The following TTC21B variants were observed in gnomAD, a reference collection of about 807,000 sequenced individuals.
TTC21B encodes the protein tetratricopeptide repeat protein 21B.
TTC21B carries 127 observed loss-of-function variants against 175.1 expected under a neutral mutation model. The ratio of observed to expected loss-of-function variants is 0.73; its 90% confidence interval spans 0.63 to 0.84. The LOEUF is 0.84. Ranked by LOEUF, TTC21B falls within the 40% of genes least tolerant of loss-of-function variation. The pLI, the probability that TTC21B is intolerant of heterozygous loss-of-function variation, is 0.00. For missense variants in TTC21B, 1,561 were observed against 1,558.3 expected (o/e 1.00, Z -0.03); for synonymous variants, 524 against 524.5 (o/e 1.00, Z 0.01).
intron 19 of TTC21B, among the ~76,000 whole-genome samples, chr2:165,906,447 G>A (rs568067823): frequency 2.3e-4 from 35 of 151,910 alleles, no homozygotes; most frequent in African/African-American, 8.2e-4. Context: ...GTTTGTAAAA[G>A]GGACCTTTTT....
At chr2:165,888,753 C>T (rs1005449016) in intron 24 of TTC21B, among the ~76,000 whole-genome samples, 20 of 152,146 alleles carry the variant, frequency 1.3e-4, no homozygotes, top group Admixed American at 1.1e-3. Flanking sequence ...ATAATATCTA[C>T]ATGTTGTAAA....
intron 15 of TTC21B, 53 bp from the exon 16 acceptor site, chr2:165,913,699 AAAAAT>A: frequency 1.1e-5 from 16 of 1,429,440 alleles, no homozygotes; most frequent in Non-Finnish European, 1.5e-5. Flanking sequence ...ATCTTCTTCC[AAAAAT>A]AAAATAAAAT....
At chr2:165,883,187 A>C (rs543004382) in intron 26 of TTC21B, among the ~76,000 whole-genome samples, 100 of 147,028 alleles carry the variant, frequency 6.8e-4, no homozygotes, top group African/African-American at 2.3e-3. Flanking sequence ...TTTCTCAACA[A>C]AAAAATAAAT....
At chr2:165,880,843 C>T in intron 26 of TTC21B, 44 bp from the exon 27 acceptor site, 1 of 1,596,856 alleles carries the variant, frequency 6.3e-7, no homozygotes, top group Admixed American at 1.7e-5. Flanking sequence ...CTTGATATCA[C>T]TAAGATTTTA....
In TTC21B at chr2:165,949,506, T is replaced by C. The variant is rs760214276; in HGVS notation, c.152-2A>G. On this transcript the variant is annotated splice_acceptor_variant, in intron 2 of 28. Transcript: ENST00000243344. LOFTEE classifies it high-confidence loss of function. ...CTCGAAGAGCTTCTTGAGTTTTACC[T>C]GAAAATCAAGATTATGATATGAAAA... 1 of 1,613,646 alleles carries C rather than the reference T, an allele frequency of 6.2e-7. No individual in the cohort carries two copies. The highest frequency in any genetic ancestry group is 8.5e-7 in the Non-Finnish European group (1 of 1,179,700).
chr2:165,913,520 A>T, intron 16 of TTC21B, 54 bp downstream of exon 16: 6 of 1,088,536 alleles, frequency 5.5e-6, no homozygotes, highest in African/African-American at 1.6e-5. Flanking sequence ...AGGAAGTTGT[A>T]CTCATCACAA....
chr2:165,935,316 T>C (rs998682853), intron 6 of TTC21B, among the ~76,000 whole-genome samples: 3 of 152,174 alleles, frequency 2.0e-5, no homozygotes, highest in African/African-American at 7.2e-5. Context: ...AATCTCTCCT[T>C]TGGGAAACTT....
chr2:165,921,146 G>A (rs1686390812), intron 12 of TTC21B, among the ~76,000 whole-genome samples: 1 of 152,088 alleles, frequency 6.6e-6, no homozygotes, highest in South Asian at 2.1e-4. Flanking sequence ...TTGGAATGGG[G>A]GCTAGCTGTG....
intron 13 of TTC21B, among the ~76,000 whole-genome samples, 173 bp from the exon 14 acceptor site, chr2:165,917,654 G>A (rs576233301): frequency 4.6e-5 from 7 of 152,126 alleles, no homozygotes; most frequent in South Asian, 4.1e-4. Context: ...ACATTAAATC[G>A]GATTCAGGAA....
intron 6 of TTC21B, among the ~76,000 whole-genome samples, chr2:165,939,073 T>A (rs190645345): frequency 5.6e-4 from 86 of 152,322 alleles, no homozygotes; most frequent in Non-Finnish European, 1.9e-4. Flanking sequence ...TTGAATTTGC[T>A]TCAAAACGAA....
At chr2:165,914,010 C>T (rs1349482877) in intron 15 of TTC21B, among the ~76,000 whole-genome samples, 3 of 152,062 alleles carry the variant, frequency 2.0e-5, no homozygotes, top group South Asian at 2.1e-4. Context: ...TTTTACTGTC[C>T]TCCTATGCAT....
At chr2:165,889,802 A>G (rs960942713) in intron 24 of TTC21B, among the ~76,000 whole-genome samples, 1 of 152,166 alleles carries the variant, frequency 6.6e-6, no homozygotes, top group Non-Finnish European at 1.5e-5. Context: ...ATTTAGTTGC[A>G]GATTGAAAGG....
At chr2:165,913,897 G>A (rs956491518) in intron 15 of TTC21B, among the ~76,000 whole-genome samples, 1 of 151,948 alleles carries the variant, frequency 6.6e-6, no homozygotes, top group Admixed American at 6.6e-5. Context: ...CAGATAGATA[G>A]TAAATATCTA....
chr2:165,930,732 G>GTGTGTGTGTGTGTGT lies in TTC21B; in HGVS notation c.895-369_895-368insACACACACACACACA. Among the ~76,000 whole-genome samples, 114 of 110,826 alleles carry GTGTGTGTGTGTGTGT rather than the reference G, an allele frequency of 1.0e-3. 13 individuals are homozygous for GTGTGTGTGTGTGTGT. The highest frequency in any genetic ancestry group is 1.3e-3 in the Admixed American group (15 of 11,446). 72.7% of individuals were successfully genotyped at this position (110,826 alleles called of 152,430 possible). A position where few individuals can be genotyped will look rare whatever the true frequency, so the allele number is the denominator to read the frequency against. ...TATTTTATGGTTACGTGGGTATGGG[G>GTGTGTGTGTGTGTGT]GTGTGTGTGTGTGTGTGTGTGTGTG... On this transcript the variant is annotated intron_variant, in intron 8 of 28. Transcript: ENST00000243344.
At chr2:165,945,200 C>G (rs1275890955) in intron 4 of TTC21B, among the ~76,000 whole-genome samples, 1 of 150,206 alleles carries the variant, frequency 6.7e-6, no homozygotes, top group African/African-American at 2.5e-5. Context: ...TAGAGCTGTT[C>G]AATAAGGAGA....
At position 165,907,774 on chromosome 2, in the gene TTC21B, C is replaced by T. The variant is rs114725374; in HGVS notation, c.2472G>A (p.Leu824=). 2,599 of 1,608,576 alleles carry T rather than the reference C, an allele frequency of 1.6e-3. 5 individuals are homozygous for T. Among genetic ancestry groups the T allele is most frequent in the Non-Finnish European group, 2.1e-3 (2,486 of 1,175,544 alleles). ...HALAHEPVNE[L]SALMEDGRCQ... ...AACGTCCATCCTCCATGAGAGCTGA[C>T]AGTTCATTTACTATGAAAGAATGGA... is the stretch of plus-strand genomic sequence containing the variant. Residue 824 remains leucine, a synonymous_variant, in exon 19 of 29, where the codon CTG becomes CTA. Transcript: ENST00000243344.
chr2:165,885,902 C>T (rs575183629), intron 25 of TTC21B, among the ~76,000 whole-genome samples: 2 of 152,152 alleles, frequency 1.3e-5, no homozygotes, highest in African/African-American at 4.8e-5. Flanking sequence ...TTGCAAAGGA[C>T]AAGACTTGGA....
intron 17 of TTC21B, among the ~76,000 whole-genome samples, chr2:165,911,682 A>C (rs1458657753): frequency 6.8e-6 from 1 of 146,832 alleles, no homozygotes; most frequent in Non-Finnish European, 1.5e-5. Context: ...TTTTTTTTTG[A>C]GTCACAGTCT....
chr2:165,923,429 A>G (rs1200153080), intron 12 of TTC21B, among the ~76,000 whole-genome samples: 2 of 151,532 alleles, frequency 1.3e-5, no homozygotes. Context: ...ACAGACAAGC[A>G]TAATATGATG....
Sources: allele counts gnomAD v4.1 joint callset (sites outside exome capture counted in the v4.1 genomes callset), GRCh38; gene constraint gnomAD v4.1.1; transcripts MANE v1.5; gene names NCBI Gene and HGNC (gene_info 2026-07-23, HGNC 2026-07-21).